The following LIPK variants were observed in gnomAD, a reference collection of about 807,000 sequenced individuals.
The protein encoded by LIPK is lipase family member K, also known as lipase member K.
A neutral mutation model predicts 48.6 loss-of-function variants in LIPK; 32 were observed. That is an observed-to-expected ratio of 0.66 (90% CI 0.50 to 0.88). The LOEUF is 0.88. Ranked by LOEUF, LIPK falls within the 40% of genes least tolerant of loss-of-function variation. The probability of loss-of-function intolerance (pLI) is 0.00; values close to 1 mark genes in which losing one functional copy is unlikely to be tolerated. For synonymous variants in LIPK, 164 were observed against 157.4 expected, an observed-to-expected ratio of 1.04 and a Z score of -0.32; for missense variants, 507 against 478.5, an observed-to-expected ratio of 1.06 and a Z score of -0.56.
In LIPK at chr10:88,737,714, T is replaced by C. The variant is rs781481024; in HGVS notation, c.749T>C (p.Leu250Pro). ...FIATKVCNRKLFRRICSNFLF... is the reference protein window; with the variant it reads ...FIATKVCNRKPFRRICSNFLF... ...GCCACCAAAGTGTGCAATCGAAAGC[T>C]ATTCCGTCGTATTTGCAGCAACTTC... Residue 250 changes from leucine (L) to proline (P), a missense_variant, in exon 7 of 10, where the codon CTA becomes CCA. By Grantham distance (98) the Leu-to-Pro change is moderately conservative. Transcript: ENST00000404190. 5.6e-6 allele frequency: 9 copies of C among 1,613,934 alleles called. No homozygotes were observed. Among genetic ancestry groups the C allele is most frequent in the Non-Finnish European group, 6.8e-6 (8 of 1,179,798 alleles).
intron 1 of LIPK, among the ~76,000 whole-genome samples, chr10:88,713,164 G>A (rs1277047087): frequency 1.3e-5 from 2 of 152,166 alleles, no homozygotes; most frequent in Admixed American, 1.3e-4. Context: ...TGTGAATTTA[G>A]CTAACCTACT....
chr10:88,710,142 A>C lies in LIPK; in HGVS notation c.-12+3822A>C, dbSNP rs117387514. On this transcript the variant is annotated intron_variant, in intron 1 of 9. Coordinates refer to ENST00000404190, the MANE Select transcript of LIPK (RefSeq NM_001080518.2). ...ATCTACAAGATTAAATTAATATATTATAGTTTATTTTAAAATTCTCTTGTA... is the reference window on the plus strand; with the variant it reads ...ATCTACAAGATTAAATTAATATATTCTAGTTTATTTTAAAATTCTCTTGTA... Among the ~76,000 whole-genome samples the C allele has an allele frequency of 4.3e-4, 65 of 152,080 alleles. No individual in the cohort carries two copies. The East Asian group carries it at 0.012, about 28-fold the overall frequency.
chr10:88,732,495 A>G lies in LIPK; in HGVS notation c.613A>G (p.Lys205Glu). Residue 205 changes from lysine (K) to glutamate (E), a missense_variant, in exon 6 of 10, where the codon AAA becomes GAA. Physicochemically the swap from Lys to Glu is moderately conservative, Grantham distance 56 (BLOSUM62 1). Coordinates refer to ENST00000404190, the MANE Select transcript of LIPK (RefSeq NM_001080518.2). ...FFALAPVVTV[K>E]YTQSPMKKLT... is the part of the protein sequence containing the mutation. Reference sequence around the variant, plus strand: ...TGCACTGGCTCCAGTTGTCACAGTTAAATACACCCAAAGTCCTATGAAAAA... The same window carrying G: ...TGCACTGGCTCCAGTTGTCACAGTTGAATACACCCAAAGTCCTATGAAAAA... 6.2e-7 allele frequency: 1 copy of G among 1,613,868 alleles called. No individual in the cohort carries two copies. The highest frequency in any genetic ancestry group is 8.5e-7 in the Non-Finnish European group (1 of 1,179,816).
chr10:88,718,377 A>G (rs1368970762), intron 1 of LIPK, among the ~76,000 whole-genome samples: 1 of 149,100 alleles, frequency 6.7e-6, no homozygotes, highest in African/African-American at 2.4e-5. Context: ...ATTATATATT[A>G]TATATATAAA....
chr10:88,716,354 T>TCC (rs1193177071), intron 1 of LIPK, among the ~76,000 whole-genome samples: 10 of 96,384 alleles, frequency 1.0e-4, no homozygotes, highest in Non-Finnish European at 1.9e-4. Flanking sequence ...TCAGGAAAAT[T>TCC]TCTTTTTTTT....
chr10:88,729,822 C>T (rs148250657), intron 3 of LIPK, among the ~76,000 whole-genome samples: 1 of 152,316 alleles, frequency 6.6e-6, no homozygotes, highest in Non-Finnish European at 1.5e-5. Flanking sequence ...GGAAGCCACT[C>T]TAGTTCCAAA....
chr10:88,731,203 A>G, intron 4 of LIPK, 22 bp downstream of exon 4: 1 of 1,485,918 alleles, frequency 6.7e-7, no homozygotes, highest in Non-Finnish European at 8.9e-7. Context: ...CCTATTAATG[A>G]ATAAAATGTG....
rs1285851590 is a variant in LIPK at position 88,719,344 on chromosome 10, G to T, written c.-11-5189G>T. ...ACAACTAATAATAAAAACAGTAATAGTCAATAGTTAGGAAGTGTCTACAAT... is the reference window on the plus strand; with the variant it reads ...ACAACTAATAATAAAAACAGTAATATTCAATAGTTAGGAAGTGTCTACAAT... On this transcript the variant is annotated intron_variant, in intron 1 of 9. Transcript: ENST00000404190. 2.6e-5 allele frequency among the ~76,000 whole-genome samples: 4 copies of T among 152,180 alleles called. No homozygotes were observed. The East Asian group carries it at 7.7e-4, about 29-fold the overall frequency.
intron 6 of LIPK, among the ~76,000 whole-genome samples, chr10:88,733,518 C>A (rs1454067979): frequency 6.6e-6 from 1 of 152,156 alleles, no homozygotes; most frequent in African/African-American, 2.4e-5. Context: ...ATCTATACAT[C>A]CCAGAAAGAC....
intron 3 of LIPK, chr10:88,728,584 G>A (rs1842395431): frequency 2.2e-6 from 1 of 459,810 alleles, no homozygotes. Flanking sequence ...TAGCTTCACC[G>A]GAACCTGGAG....
intron 1 of LIPK, among the ~76,000 whole-genome samples, chr10:88,722,817 A>G (rs1564977694): frequency 6.6e-6 from 1 of 151,358 alleles, no homozygotes; most frequent in African/African-American, 2.4e-5. Flanking sequence ...TGTAAGACCC[A>G]GTTTTATTTT....
chr10:88,730,312 C>T (rs942263941), intron 3 of LIPK, among the ~76,000 whole-genome samples: 6 of 152,018 alleles, frequency 3.9e-5, no homozygotes, highest in African/African-American at 1.2e-4. Flanking sequence ...TGTTTTGAGA[C>T]GGAGTCTTGC....
intron 3 of LIPK, among the ~76,000 whole-genome samples, chr10:88,730,057 C>G (rs1320369025): frequency 2.6e-5 from 4 of 151,944 alleles, no homozygotes; most frequent in African/African-American, 7.3e-5. Flanking sequence ...TACTTACAAC[C>G]TTGTTTTTTG....
At chr10:88,723,435 A>G (rs572728913) in intron 1 of LIPK, among the ~76,000 whole-genome samples, 27 of 152,294 alleles carry the variant, frequency 1.8e-4, no homozygotes, top group Middle Eastern at 6.8e-3. Context: ...ACAGATTAGC[A>G]GGGAGGGTGT....
At chr10:88,738,543 T>C (rs955199459) in intron 7 of LIPK, among the ~76,000 whole-genome samples, 7 of 152,264 alleles carry the variant, frequency 4.6e-5, no homozygotes, top group Non-Finnish European at 8.8e-5. Context: ...TGCCTTTCTA[T>C]GTTCCTCTCT....
In LIPK at chr10:88,737,192, G is replaced by A. The variant is rs117098908; in HGVS notation, c.670-443G>A. Among the ~76,000 whole-genome samples the A allele has an allele frequency of 1.8e-3, 279 of 152,178 alleles. 1 individual carries two copies. The highest frequency in any genetic ancestry group is 0.014 in the East Asian group (71 of 5,190). ...TAATTAAATAATACTTTGCATGTGC[G>A]CTAGATGCTAGGAACTGCACTAATT... On this transcript the variant is annotated intron_variant, in intron 6 of 9. Coordinates refer to ENST00000404190, the MANE Select transcript of LIPK (RefSeq NM_001080518.2).
chr10:88,738,628 C>T (rs1447067194), intron 7 of LIPK, among the ~76,000 whole-genome samples: 1 of 152,228 alleles, frequency 6.6e-6, no homozygotes, highest in African/African-American at 2.4e-5. Flanking sequence ...GAGAGCATAT[C>T]ATGCAGGCAG....
chr10:88,713,657 T>G lies in LIPK; in HGVS notation c.-12+7337T>G, dbSNP rs571583214. Among the ~76,000 whole-genome samples, 6 of 152,238 alleles carry G rather than the reference T, an allele frequency of 3.9e-5. No individual in the cohort carries two copies. The East Asian group carries it at 1.2e-3, about 29-fold the overall frequency. On this transcript the variant is annotated intron_variant, in intron 1 of 9. Coordinates refer to ENST00000404190, the MANE Select transcript of LIPK (RefSeq NM_001080518.2). Reference sequence around the variant, plus strand: ...TCACCACACCATGTAAAAATAAATTTAGGCTGGGCGTGGTGGCTCACACCT... The same window carrying G: ...TCACCACACCATGTAAAAATAAATTGAGGCTGGGCGTGGTGGCTCACACCT...
chr10:88,711,996 T>C (rs1842035425), intron 1 of LIPK, among the ~76,000 whole-genome samples: 2 of 152,188 alleles, frequency 1.3e-5, no homozygotes, highest in Admixed American at 1.3e-4. Context: ...TTTTTCAAAA[T>C]TGATTTCCAA....
Sources: allele counts gnomAD v4.1 joint callset (sites outside exome capture counted in the v4.1 genomes callset), GRCh38; gene constraint gnomAD v4.1.1; transcripts MANE v1.5; gene names NCBI Gene and HGNC (gene_info 2026-07-23, HGNC 2026-07-21).